The following ANKS1B variants were observed in gnomAD, a reference collection of about 807,000 sequenced individuals.
The protein encoded by ANKS1B is ankyrin repeat and sterile alpha motif domain containing 1B, also known as ankyrin repeat and sterile alpha motif domain-containing protein 1B.
ANKS1B carries 36 observed loss-of-function variants against 148.3 expected under a neutral mutation model. The observed-to-expected ratio is 0.24, with a 90% CI of 0.19 to 0.32. The LOEUF is 0.32. Among genes scored for constraint, ANKS1B ranks in the 10% least tolerant of loss-of-function variants. The pLI, the probability that ANKS1B is intolerant of heterozygous loss-of-function variation, is 1.00. For synonymous variants in ANKS1B, 542 were observed against 560.8 expected, an observed-to-expected ratio of 0.97 and a Z score of 0.47; for missense variants, 1,157 against 1,542.6, an observed-to-expected ratio of 0.75 and a Z score of 4.19.
intron 3 of ANKS1B, among the ~76,000 whole-genome samples, chr12:99,810,866 C>T (rs1345613019): frequency 6.6e-6 from 1 of 151,806 alleles, no homozygotes; most frequent in African/African-American, 2.4e-5. Context: ...TTGCAGTATT[C>T]AGACAATTTT....
At chr12:99,465,965 T>C (rs1242832331) in intron 10 of ANKS1B, among the ~76,000 whole-genome samples, 1 of 152,068 alleles carries the variant, frequency 6.6e-6, no homozygotes, top group Non-Finnish European at 1.5e-5. Context: ...TACAGAACTC[T>C]CCACCCCAAA....
chr12:99,931,198 G>A lies in ANKS1B; in HGVS notation c.134+52906C>T, dbSNP rs563532194. On this transcript the variant is annotated intron_variant, in intron 1 of 26. Transcript: ENST00000683438. ...ACACACCAGGGACTGTTGTGGGGTC[G>A]GGGGAGAGGGGAGGGATAGCATTAG... Among the ~76,000 whole-genome samples, 8 of 152,100 alleles carry A rather than the reference G, an allele frequency of 5.3e-5. No individual in the cohort carries two copies. In the East Asian group the frequency reaches 7.7e-4, roughly 15 times the overall value.
intron 12 of ANKS1B, among the ~76,000 whole-genome samples, chr12:99,340,891 G>T (rs1234773540): frequency 6.6e-6 from 1 of 152,060 alleles, no homozygotes; most frequent in Non-Finnish European, 1.5e-5. Flanking sequence ...ATAAAGGAAA[G>T]AAATTGTTTG....
At chr12:99,467,971 A>G (rs867228123) in intron 10 of ANKS1B, among the ~76,000 whole-genome samples, 188 of 152,292 alleles carry the variant, frequency 1.2e-3, no homozygotes, top group African/African-American at 4.3e-3. Context: ...AAAAGAGCCC[A>G]CATCGCCAAG....
At chr12:99,316,439 T>A (rs2084113859) in intron 12 of ANKS1B, among the ~76,000 whole-genome samples, 1 of 152,246 alleles carries the variant, frequency 6.6e-6, no homozygotes, top group Admixed American at 6.5e-5. Flanking sequence ...AAGCATTTTT[T>A]CATGTGTCTG....
chr12:99,467,648 GACAA>G (rs1426395707), intron 10 of ANKS1B, among the ~76,000 whole-genome samples: 5 of 152,060 alleles, frequency 3.3e-5, no homozygotes, highest in African/African-American at 7.2e-5. Context: ...ACCAATAACA[GACAA>G]ACAGAGAGCC....
At chr12:99,765,068 G>A (rs867162310) in intron 8 of ANKS1B, among the ~76,000 whole-genome samples, 8 of 152,074 alleles carry the variant, frequency 5.3e-5, no homozygotes, top group Admixed American at 3.3e-4. Flanking sequence ...AAGGTGAGAG[G>A]TCAATCTGGA....
intron 9 of ANKS1B, among the ~76,000 whole-genome samples, chr12:99,551,808 T>C (rs1364760266): frequency 6.6e-6 from 1 of 152,190 alleles, no homozygotes; most frequent in African/African-American, 2.4e-5. Context: ...TACTGTCTCC[T>C]AGCCATTTTC....
intron 25 of ANKS1B, among the ~76,000 whole-genome samples, chr12:98,769,194 T>TTTTTTTTTTTG (rs2098534838): frequency 2.6e-5 from 3 of 114,078 alleles, no homozygotes; most frequent in African/African-American, 1.0e-4. Flanking sequence ...TTTTTTTTTT[T>TTTTTTTTTTTG]GCCATTTGGG....
At chr12:98,757,442 C>A (rs772226437) in intron 25 of ANKS1B, among the ~76,000 whole-genome samples, 10 of 152,212 alleles carry the variant, frequency 6.6e-5, no homozygotes, top group Non-Finnish European at 1.5e-4. Context: ...GAACACCATG[C>A]GATGCTGCAG....
intron 9 of ANKS1B, among the ~76,000 whole-genome samples, chr12:99,545,162 C>T (rs2097161056): frequency 1.3e-5 from 2 of 152,138 alleles, no homozygotes; most frequent in Admixed American, 1.3e-4. Context: ...GCATTCTAGA[C>T]ACCCATGAGG....
intron 1 of ANKS1B, among the ~76,000 whole-genome samples, chr12:99,860,096 G>T (rs1028003863): frequency 6.6e-6 from 1 of 152,208 alleles, no homozygotes; most frequent in African/African-American, 2.4e-5. Context: ...GAACTTCCCT[G>T]CCTCTTTGAA....
At chr12:99,971,962 A>C (rs1302682021) in intron 1 of ANKS1B, among the ~76,000 whole-genome samples, 1 of 152,228 alleles carries the variant, frequency 6.6e-6, no homozygotes, top group Non-Finnish European at 1.5e-5. Flanking sequence ...CCATTTTTCC[A>C]ATTAGGCCAA....
chr12:99,465,880 T>A (rs897268734), intron 10 of ANKS1B, among the ~76,000 whole-genome samples: 2 of 152,224 alleles, frequency 1.3e-5, no homozygotes, highest in Admixed American at 1.3e-4. Flanking sequence ...ATTAGACAGA[T>A]CAACGAGACA....
At chr12:99,632,771 T>TTTTTA (rs71088133) in intron 9 of ANKS1B, among the ~76,000 whole-genome samples, 5 of 50,732 alleles carry the variant, frequency 9.9e-5, no homozygotes, top group African/African-American at 2.7e-4. Flanking sequence ...ATATATATTT[T>TTTTTA]AATTATACTT....
At chr12:99,912,646 C>T (rs894116501) in intron 1 of ANKS1B, among the ~76,000 whole-genome samples, 1 of 152,198 alleles carries the variant, frequency 6.6e-6, no homozygotes, top group African/African-American at 2.4e-5. Flanking sequence ...GCCACTGCAC[C>T]TGGCCCCAGT....
chr12:99,836,950 G>A (rs192331252), intron 1 of ANKS1B, among the ~76,000 whole-genome samples: 91 of 152,146 alleles, frequency 6.0e-4, no homozygotes, highest in African/African-American at 2.1e-3. Context: ...AGATGTATAC[G>A]TCTTAATCTC....
chr12:99,718,167 T>C (rs1274879218), intron 8 of ANKS1B, among the ~76,000 whole-genome samples: 1 of 152,134 alleles, frequency 6.6e-6, no homozygotes, highest in African/African-American at 2.4e-5. Flanking sequence ...CCCAAAGTGC[T>C]GGGATTACAG....
At chr12:98,872,763 C>T (rs993859608) in intron 17 of ANKS1B, among the ~76,000 whole-genome samples, 6 of 152,108 alleles carry the variant, frequency 3.9e-5, no homozygotes, top group African/African-American at 1.4e-4. Context: ...ATACCTTGAT[C>T]AGGGTTCTGG....
Sources: allele counts gnomAD v4.1 joint callset (sites outside exome capture counted in the v4.1 genomes callset), GRCh38; gene constraint gnomAD v4.1.1; transcripts MANE v1.5; gene names NCBI Gene and HGNC (gene_info 2026-07-23, HGNC 2026-07-21).